RALGAPB: variants seen among roughly 807,000 people sequenced by gnomAD.
The protein encoded by RALGAPB is Ral GTPase activating protein non-catalytic subunit beta.
RALGAPB carries 25 observed loss-of-function variants against 161.1 expected under a neutral mutation model. The observed-to-expected ratio is 0.16, with a 90% confidence interval of 0.11 to 0.22. The LOEUF is 0.22. Among genes scored for constraint, RALGAPB ranks in the 10% least tolerant of loss-of-function variants. The probability of loss-of-function intolerance (pLI) is 1.00; values close to 1 mark genes in which losing one functional copy is unlikely to be tolerated. For missense variants in RALGAPB, 1,391 were observed against 1,815.2 expected (o/e 0.77, Z 4.25); for synonymous variants, 629 against 626.1 (o/e 1.00, Z -0.07).
At chr20:38,529,272 T>C (rs2086573940) in intron 13 of RALGAPB, among the ~76,000 whole-genome samples, 2 of 152,096 alleles carry the variant, frequency 1.3e-5, no homozygotes, top group Admixed American at 6.6e-5. Flanking sequence ...AAGAAATACA[T>C]GTTGTAATCC....
chr20:38,540,953 G>A lies in RALGAPB; in HGVS notation c.2563-88G>A, dbSNP rs958713096. ...GAAACTGGAGCCCTTCCACCAAAAC[G>A]CAACCACTGTTAGCATTTGGATGGA... is the stretch of plus-strand genomic sequence containing the variant. On this transcript the variant is annotated intron_variant, in intron 17 of 29. Transcript: ENST00000262879. The A allele has an allele frequency of 1.5e-5, 21 of 1,426,916 alleles. No homozygotes were observed. The African/African-American group carries it at 1.7e-4, about 12-fold the overall frequency. 88.4% of individuals were successfully genotyped at this position (1,426,916 alleles called of 1,614,324 possible). A position where few individuals can be genotyped will look rare whatever the true frequency, so the allele number is the denominator to read the frequency against.
intron 6 of RALGAPB, among the ~76,000 whole-genome samples, chr20:38,512,022 T>C (rs2085976573): frequency 4.6e-5 from 7 of 152,244 alleles, no homozygotes; most frequent in Admixed American, 4.6e-4. Flanking sequence ...TCTTTTTCTT[T>C]TTTTAGAATT....
intron 1 of RALGAPB, among the ~76,000 whole-genome samples, chr20:38,476,038 G>T (rs188119726): frequency 6.6e-6 from 1 of 152,288 alleles, no homozygotes; most frequent in East Asian, 1.9e-4. Context: ...GTTAAATTCA[G>T]ATACTCAAGA....
Position 38,517,610 on chromosome 20 carries a change from C to T in RALGAPB, c.1156C>T (p.His386Tyr). Residue 386 changes from histidine to tyrosine, a missense_variant, in exon 8 of 30, where the codon CAC (histidine) becomes TAC (tyrosine). Around this residue, in one of 3 missense-constraint regions of RALGAPB, gnomAD observed 946 missense variants for 1,257.2 expected, o/e 0.75. Coordinates refer to ENST00000262879, the MANE Select transcript of RALGAPB (RefSeq NM_020336.4). ...VSTTPPHNRR[H>Y]RAVTVNKATM... ...TACCACCCCCCCACATAACCGGAGG[C>T]ACCGGGCTGTTACTGTGAATAAGGC... 6.2e-7 allele frequency: 1 copy of T among 1,613,994 alleles called. No individual in the cohort carries two copies. The highest frequency in any genetic ancestry group is 8.5e-7 in the Non-Finnish European group (1 of 1,179,986).
rs894735061 is a variant in RALGAPB at position 38,575,664 on chromosome 20, T to G, written c.*697T>G. 5 of 152,408 alleles carry G rather than the reference T, an allele frequency of 3.3e-5. No homozygotes were observed. Among genetic ancestry groups the G allele is most frequent in the Admixed American group, 2.0e-4 (3 of 15,288 alleles). 9.4% of individuals were successfully genotyped at this position (152,408 alleles called of 1,614,324 possible). ...AACAGATCAGAAATGGAGCATGGCC[T>G]TGTCCTTTAATGGGGATGCAAATAA... is the stretch of plus-strand genomic sequence containing the variant. On this transcript the variant is annotated 3_prime_UTR_variant, in exon 30 of 30. Coordinates refer to ENST00000262879, the MANE Select transcript of RALGAPB (RefSeq NM_020336.4).
chr20:38,488,346 A>G, intron 1 of RALGAPB, 57 bp from the exon 2 acceptor site: 4 of 1,128,892 alleles, frequency 3.5e-6, no homozygotes, highest in Non-Finnish European at 5.2e-6. Context: ...TGTTTTATTT[A>G]TTTCTGTTAA....
chr20:38,566,583 G>T (rs965607672), intron 25 of RALGAPB, among the ~76,000 whole-genome samples: 2 of 152,170 alleles, frequency 1.3e-5, no homozygotes, highest in South Asian at 2.1e-4. Context: ...TTTGGATGGG[G>T]TGGAGGATAA....
intron 9 of RALGAPB, 56 bp from the exon 10 acceptor site, chr20:38,521,441 C>T (rs769836074): frequency 2.0e-4 from 324 of 1,604,272 alleles, no homozygotes; most frequent in Non-Finnish European, 2.7e-4. Flanking sequence ...TCCAGGGTCC[C>T]ATGAGCCTAC....
chr20:38,564,950 T>C (rs1215705894), intron 24 of RALGAPB, among the ~76,000 whole-genome samples: 1 of 150,314 alleles, frequency 6.7e-6, no homozygotes, highest in Non-Finnish European at 1.5e-5. Context: ...CCCCCCTCTC[T>C]CTCTCTCTCT....
chr20:38,541,250 C>A, intron 18 of RALGAPB, 58 bp downstream of exon 18: 1 of 1,504,690 alleles, frequency 6.6e-7, no homozygotes, highest in East Asian at 2.3e-5. Context: ...TAGCAGTGAT[C>A]CATGTTGTTT....
chr20:38,478,036 T>G (rs1036038727), intron 1 of RALGAPB, among the ~76,000 whole-genome samples: 2 of 152,094 alleles, frequency 1.3e-5, no homozygotes, highest in African/African-American at 4.8e-5. Flanking sequence ...GTGGGAGGAT[T>G]ACTTAAGCCT....
intron 28 of RALGAPB, among the ~76,000 whole-genome samples, chr20:38,572,292 A>G (rs1291457505): frequency 1.3e-5 from 2 of 152,232 alleles, no homozygotes; most frequent in African/African-American, 4.8e-5. Context: ...AATGGTAACA[A>G]TGTATTTGTA....
Position 38,575,065 on chromosome 20 carries a change from T to C in RALGAPB, c.*98T>C. 2.0e-6 allele frequency: 2 copies of C among 1,006,496 alleles called. No individual in the cohort carries two copies. Among genetic ancestry groups the C allele is most frequent in the Non-Finnish European group, 3.0e-6 (2 of 664,598 alleles). 62.3% of individuals were successfully genotyped at this position (1,006,496 alleles called of 1,614,324 possible). On this transcript the variant is annotated 3_prime_UTR_variant, in exon 30 of 30. Transcript: ENST00000262879. ...CACTGTAAAAATAAAAACAAATCAC[T>C]CCCAAGAGCTTACTGTTTAATCACC... is the stretch of plus-strand genomic sequence containing the variant.
chr20:38,488,072 A>G (rs1239956286), intron 1 of RALGAPB, among the ~76,000 whole-genome samples: 1 of 152,150 alleles, frequency 6.6e-6, no homozygotes, highest in Non-Finnish European at 1.5e-5. Context: ...AAAAAGAAAA[A>G]AAATGTATTT....
chr20:38,574,117 G>A, intron 28 of RALGAPB, 33 bp from the exon 29 acceptor site: 1 of 1,577,744 alleles, frequency 6.3e-7, no homozygotes. Flanking sequence ...TTCAACTCTT[G>A]GGTGTCTGAG....
In RALGAPB at chr20:38,541,189, C is replaced by T. The variant is rs1176211301; in HGVS notation, c.2711C>T (p.Thr904Ile). The T allele has an allele frequency of 1.2e-6, 2 of 1,613,980 alleles. No individual in the cohort carries two copies. The highest frequency in any genetic ancestry group is 2.2e-5 in the South Asian group (2 of 91,074). ...RVKDAAEATL[T>I]CIMQLLGAFP... is the part of the protein sequence containing the mutation. ...AAGGATGCTGCTGAAGCCACCCTAA[C>T]ATGGTATGGAAGTGACCGCACAGGG... The change falls in exon 18 of 30, where the codon ACA becomes ATA. Residue 904 changes from threonine (T) to isoleucine (I), a missense_variant. Thr to Ile is a moderately conservative substitution (Grantham distance 89, BLOSUM62 -1). This residue lies in a region of RALGAPB where 946 missense variants were observed against 1,257.2 expected (regional missense o/e 0.75). Transcript: ENST00000262879.
intron 1 of RALGAPB, among the ~76,000 whole-genome samples, chr20:38,480,531 C>T (rs1323723970): frequency 2.7e-5 from 4 of 149,838 alleles, no homozygotes; most frequent in Admixed American, 1.3e-4. Flanking sequence ...GGATTACAGG[C>T]GCACGCCACC....
chr20:38,502,395 C>T lies in RALGAPB; in HGVS notation c.740+2762C>T, dbSNP rs1034537786. Among the ~76,000 whole-genome samples, 3 of 152,068 alleles carry T rather than the reference C, an allele frequency of 2.0e-5. No individual in the cohort carries two copies. In the East Asian group the frequency reaches 5.8e-4, roughly 29 times the overall value. On this transcript the variant is annotated intron_variant, in intron 5 of 29. Coordinates refer to ENST00000262879, the MANE Select transcript of RALGAPB (RefSeq NM_020336.4). ...TGCCACCAGTGGTGCTGGAAGTGCT[C>T]CCAAGAAGCAGAGAAAACTCATGAC...
intron 24 of RALGAPB, among the ~76,000 whole-genome samples, chr20:38,564,978 TCTGCCTGC>T (rs998721254): frequency 6.6e-6 from 1 of 150,670 alleles, no homozygotes; most frequent in Non-Finnish European, 1.5e-5. Context: ...TCTCTCTCTC[TCTGCCTGC>T]CTGCCTGCCT....
Sources: allele counts gnomAD v4.1 joint callset (sites outside exome capture counted in the v4.1 genomes callset), GRCh38; gene constraint gnomAD v4.1.1; regional missense constraint gnomAD v4.1.1; transcripts MANE v1.5; gene names NCBI Gene and HGNC (gene_info 2026-07-23, HGNC 2026-07-21).